Variants in KDM4C observed in about 807,000 individuals in gnomAD.
The protein encoded by KDM4C is lysine-specific demethylase 4C.
Under a neutral mutation model 129.3 loss-of-function variants are expected in KDM4C, and 81 were observed. That is an observed-to-expected ratio of 0.63 (90% CI 0.52 to 0.75). KDM4C has a LOEUF of 0.75. Among genes scored for constraint, KDM4C ranks in the 30% least tolerant of loss-of-function variants. The probability of loss-of-function intolerance (pLI) is 0.00; values close to 1 mark genes in which losing one functional copy is unlikely to be tolerated. For synonymous variants in KDM4C, 573 were observed against 456.1 expected, an observed-to-expected ratio of 1.26 and a Z score of -3.26; for missense variants, 1,457 against 1,304.0, an observed-to-expected ratio of 1.12 and a Z score of -1.81.
intron 8 of KDM4C, among the ~76,000 whole-genome samples, chr9:6,968,745 C>A (rs911022656): frequency 6.6e-6 from 1 of 151,976 alleles, no homozygotes. Flanking sequence ...TCAGGTACTT[C>A]ATAATTTTAT....
chr9:6,882,791 T>TGTGTGTGTGTGTGTGTGTGTGC, intron 6 of KDM4C, among the ~76,000 whole-genome samples: 3 of 152,020 alleles, frequency 2.0e-5, no homozygotes, highest in African/African-American at 7.2e-5. Context: ...TGTGTGTGTG[T>TGTGTGTGTGTGTGTGTGTGTGC]GTGTGTGTGT....
chr9:7,102,295 C>T (rs1159008470), intron 17 of KDM4C, among the ~76,000 whole-genome samples: 1 of 146,716 alleles, frequency 6.8e-6, no homozygotes, highest in African/African-American at 2.5e-5. Flanking sequence ...GGCTCTTGCA[C>T]CTCATGGTTT....
At chr9:6,725,844 G>A (rs1817107936) in intron 1 of KDM4C, among the ~76,000 whole-genome samples, 2 of 150,362 alleles carry the variant, frequency 1.3e-5, no homozygotes, top group South Asian at 4.2e-4. Context: ...CAAGTAGCTG[G>A]GATTACAGGC....
In KDM4C at chr9:7,146,108, A is replaced by G. The variant is rs576512666; in HGVS notation, c.2781+17872A>G. Among the ~76,000 whole-genome samples the G allele has an allele frequency of 3.3e-5, 5 of 152,382 alleles. No homozygotes were observed. In the East Asian group the frequency reaches 5.8e-4, roughly 18 times the overall value. On this transcript the variant is annotated intron_variant, in intron 19 of 21. Coordinates refer to ENST00000381309, the MANE Select transcript of KDM4C (RefSeq NM_015061.6). ...CATTAAAATCATGTTTTCAAAGGAT[A>G]TTTAATGATGCAATATAATAAATGG...
At position 6,781,934 on chromosome 9, in the gene KDM4C, C is replaced by T. The variant is rs141827140; in HGVS notation, c.-17-11038C>T. Among the ~76,000 whole-genome samples, 745 of 151,924 alleles carry T rather than the reference C, an allele frequency of 4.9e-3. 4 individuals carry two copies. The highest frequency in any genetic ancestry group is 0.014 in the Middle Eastern group (4 of 294). On this transcript the variant is annotated intron_variant, in intron 1 of 21. Coordinates refer to ENST00000381309, the MANE Select transcript of KDM4C (RefSeq NM_015061.6). ...CAGCCTCCTGGGTTCAGGCTATTCT[C>T]CTGCCTCAGCCTCCTCAGTAGCTGG...
chr9:6,766,502 A>G (rs72699624), intron 1 of KDM4C, among the ~76,000 whole-genome samples: 7,466 of 152,188 alleles, frequency 0.049, 286 homozygotes, highest in Non-Finnish European at 0.076. Context: ...TGGAGTTCAT[A>G]GTCCTGCTTC....
rs1390102573 is a variant in KDM4C at position 6,849,161 on chromosome 9, G to A, written c.436-346G>A. Among the ~76,000 whole-genome samples, 4 of 152,150 alleles carry A rather than the reference G, an allele frequency of 2.6e-5. No homozygotes were observed. The South Asian group carries it at 6.2e-4, about 24-fold the overall frequency. On this transcript the variant is annotated intron_variant, in intron 4 of 21. Transcript: ENST00000381309. ...AAAAACAAAAAGGTGTGCCAAGGAG[G>A]GAGAGCACATGCCGGATCATCTACT... is the stretch of plus-strand genomic sequence containing the variant.
chr9:7,072,063 G>A (rs147031264), intron 17 of KDM4C, among the ~76,000 whole-genome samples: 1 of 152,248 alleles, frequency 6.6e-6, no homozygotes, highest in East Asian at 1.9e-4. Flanking sequence ...AATGCTTAAT[G>A]TCATTATCTG....
chr9:7,093,369 A>T (rs970453364), intron 17 of KDM4C, among the ~76,000 whole-genome samples: 2 of 152,322 alleles, frequency 1.3e-5, no homozygotes, highest in Middle Eastern at 3.4e-3. Flanking sequence ...TTTCATTATT[A>T]TTATAAAAAT....
chr9:6,858,423 T>C (rs1840291012), intron 5 of KDM4C, among the ~76,000 whole-genome samples: 1 of 152,110 alleles, frequency 6.6e-6, no homozygotes, highest in Non-Finnish European at 1.5e-5. Context: ...TCCATAACTC[T>C]AGGGAAAAAC....
At chr9:6,871,390 G>C (rs999714447) in intron 5 of KDM4C, among the ~76,000 whole-genome samples, 1 of 152,032 alleles carries the variant, frequency 6.6e-6, no homozygotes, top group African/African-American at 2.4e-5. Context: ...AAGGAATTTT[G>C]TTTTCCTTGG....
chr9:6,766,901 G>T (rs979782946), intron 1 of KDM4C, among the ~76,000 whole-genome samples: 4 of 151,904 alleles, frequency 2.6e-5, no homozygotes, highest in Non-Finnish European at 5.9e-5. Context: ...CCTTCATTTG[G>T]CTCCCTTTTT....
chr9:6,904,778 C>T (rs887891594), intron 8 of KDM4C, among the ~76,000 whole-genome samples: 2 of 152,132 alleles, frequency 1.3e-5, no homozygotes, highest in Non-Finnish European at 2.9e-5. Context: ...ATGCCTTTCT[C>T]TGGCATCATA....
At chr9:6,744,382 G>A (rs542559021) in intron 1 of KDM4C, among the ~76,000 whole-genome samples, 1 of 152,044 alleles carries the variant, frequency 6.6e-6, no homozygotes, top group Non-Finnish European at 1.5e-5. Context: ...AGAATTAGCT[G>A]GGCATGGTGG....
chr9:6,739,059 T>G (rs1332789706), intron 1 of KDM4C, among the ~76,000 whole-genome samples: 1 of 151,836 alleles, frequency 6.6e-6, no homozygotes, highest in Non-Finnish European at 1.5e-5. Context: ...TTTGCAGATC[T>G]ATATGTAGAT....
intron 19 of KDM4C, among the ~76,000 whole-genome samples, chr9:7,164,991 A>G (rs1844224387): frequency 6.6e-6 from 1 of 152,144 alleles, no homozygotes; most frequent in South Asian, 2.1e-4. Context: ...TCAAATAGCA[A>G]ATGTAAATGC....
At position 6,858,286 on chromosome 9, in the gene KDM4C, C is replaced by T. The variant is rs571946008; in HGVS notation, c.629+8586C>T. 7.9e-5 allele frequency among the ~76,000 whole-genome samples: 12 copies of T among 152,028 alleles called. No individual in the cohort carries two copies. The South Asian group carries it at 1.0e-3, about 13-fold the overall frequency. ...TTAATGAATTACTGCTCAGTAAGGG[C>T]GTGTAAATTCCCCTTAGGATGCTTG... On this transcript the variant is annotated intron_variant, in intron 5 of 21. Coordinates refer to ENST00000381309, the MANE Select transcript of KDM4C (RefSeq NM_015061.6).
At chr9:6,791,861 A>G (rs74546269) in intron 1 of KDM4C, among the ~76,000 whole-genome samples, 4,640 of 152,090 alleles carry the variant, frequency 0.031, 248 homozygotes, top group African/African-American at 0.1. Flanking sequence ...CATTTTTACT[A>G]AAAATACAAA....
At chr9:7,132,525 G>C (rs1000189384) in intron 19 of KDM4C, among the ~76,000 whole-genome samples, 60 of 152,314 alleles carry the variant, frequency 3.9e-4, no homozygotes, top group African/African-American at 1.3e-3. Context: ...TATCAGCCCA[G>C]TTAAACTCCA....
Sources: allele counts gnomAD v4.1 joint callset (sites outside exome capture counted in the v4.1 genomes callset), GRCh38; gene constraint gnomAD v4.1.1; transcripts MANE v1.5; gene names NCBI Gene and HGNC (gene_info 2026-07-23, HGNC 2026-07-21).